Variants in HPCAL1 observed in about 807,000 individuals in gnomAD.
HPCAL1 encodes the protein hippocalcin-like protein 1.
A neutral mutation model predicts 17.1 loss-of-function variants in HPCAL1; 8 were observed. The ratio of observed to expected loss-of-function variants is 0.47; its 90% confidence interval spans 0.27 to 0.84. HPCAL1 has a LOEUF of 0.84. Ranked by LOEUF, HPCAL1 falls within the 40% of genes least tolerant of loss-of-function variation. The probability of loss-of-function intolerance (pLI) is 0.13; values close to 1 mark genes in which losing one functional copy is unlikely to be tolerated. For synonymous variants in HPCAL1, 112 were observed against 111.4 expected (o/e 1.01, Z -0.03); for missense variants, 165 against 271.1 (o/e 0.61, Z 2.75).
In HPCAL1 at chr2:10,377,904, T is replaced by C. The variant is rs1472834128; in HGVS notation, c.-110-18931T>C. Among the ~76,000 whole-genome samples, 1 of 151,542 alleles carries C rather than the reference T, an allele frequency of 6.6e-6. No individual in the cohort carries two copies. The highest frequency in any genetic ancestry group is 6.6e-5 in the Admixed American group (1 of 15,230). On this transcript the variant is annotated intron_variant, in intron 1 of 4. Coordinates refer to ENST00000307845, the MANE Select transcript of HPCAL1 (RefSeq NM_002149.4). This position sits in a 1 kb window ranked among gnomAD's most constrained non-coding sequence, Gnocchi z 5.9. ...GGACGGGGCAGGCACAGGGAGGGCA[T>C]TTCAGAGAGTGCAAGGAGGCGGCGA...
chr2:10,418,459 AAAAAAAAAAAAAC>A (rs1158047636), intron 2 of HPCAL1, among the ~76,000 whole-genome samples: 1 of 150,674 alleles, frequency 6.6e-6, no homozygotes, highest in African/African-American at 2.4e-5. Flanking sequence ...AAAAAAAAAA[AAAAAAAAAAAAAC>A]AACCCTGGGA....
intron 1 of HPCAL1, among the ~76,000 whole-genome samples, chr2:10,393,217 G>A (rs1668816653): frequency 6.6e-6 from 1 of 152,256 alleles, no homozygotes; most frequent in African/African-American, 2.4e-5. Context: ...TCTGTCTCGA[G>A]CAATGACTGT....
At chr2:10,372,660 C>T (rs1033021741) in intron 1 of HPCAL1, among the ~76,000 whole-genome samples, 3 of 152,348 alleles carry the variant, frequency 2.0e-5, no homozygotes, top group African/African-American at 7.2e-5. Context: ...GCTCTTCCTC[C>T]CTGCCTGCCC....
At chr2:10,390,443 C>A (rs1166665779) in intron 1 of HPCAL1, among the ~76,000 whole-genome samples, 1 of 152,174 alleles carries the variant, frequency 6.6e-6, no homozygotes, top group Non-Finnish European at 1.5e-5. Context: ...TGGAATTAGT[C>A]ATTTGAAAAC....
chr2:10,320,251 C>T (rs909649899), intron 1 of HPCAL1, among the ~76,000 whole-genome samples: 6 of 152,096 alleles, frequency 3.9e-5, no homozygotes, highest in Admixed American at 6.5e-5. Context: ...CGGACATGGA[C>T]GGATATGGTT....
At chr2:10,373,556 T>C (rs887973) in intron 1 of HPCAL1, among the ~76,000 whole-genome samples, 79,168 of 152,078 alleles carry the variant, frequency 0.52, 21,853 homozygotes, top group East Asian at 0.79. Context: ...TCAGACACAA[T>C]GTCCCCTGGG....
At chr2:10,321,166 G>T (rs1226082697) in intron 1 of HPCAL1, among the ~76,000 whole-genome samples, 1 of 152,188 alleles carries the variant, frequency 6.6e-6, no homozygotes, top group Non-Finnish European at 1.5e-5. Context: ...CGGGGGAGCA[G>T]GCACGTCACA....
chr2:10,390,523 C>T (rs1399231898), intron 1 of HPCAL1, among the ~76,000 whole-genome samples: 2 of 152,106 alleles, frequency 1.3e-5, no homozygotes, highest in Non-Finnish European at 2.9e-5. Flanking sequence ...ATAATTTTTT[C>T]TCCCTAAGGG....
chr2:10,353,695 G>C (rs926341552), intron 1 of HPCAL1, among the ~76,000 whole-genome samples: 1 of 152,196 alleles, frequency 6.6e-6, no homozygotes, highest in African/African-American at 2.4e-5. Context: ...AGCCTCCCCA[G>C]GTAGCTGGGA....
intron 2 of HPCAL1, among the ~76,000 whole-genome samples, chr2:10,416,887 G>C (rs1285756988): frequency 1.3e-5 from 2 of 152,130 alleles, no homozygotes; most frequent in Admixed American, 6.5e-5. Context: ...AGGGGGTGCA[G>C]GGGTCCCCTA....
Position 10,310,059 on chromosome 2 carries a change from T to C in HPCAL1, c.-111+6882T>C, listed in dbSNP as rs920213859. On this transcript the variant is annotated intron_variant, in intron 1 of 4. Coordinates refer to ENST00000307845, the MANE Select transcript of HPCAL1 (RefSeq NM_002149.4). This position sits in a 1 kb window ranked among gnomAD's most constrained non-coding sequence, Gnocchi z 4.5. ...CTTTGCTCTGTTGTTTATTGGCTGG[T>C]GATGGTCTCTGAATCTGTTTGCTCA... Among the ~76,000 whole-genome samples the C allele has an allele frequency of 6.6e-6, 1 of 152,142 alleles. No homozygotes were observed. Among genetic ancestry groups the C allele is most frequent in the Non-Finnish European group, 1.5e-5 (1 of 68,012 alleles).
rs541239567 is a variant in HPCAL1 at position 10,344,274 on chromosome 2, G to T, written c.-111+41097G>T. On this transcript the variant is annotated intron_variant, in intron 1 of 4. Coordinates refer to ENST00000307845, the MANE Select transcript of HPCAL1 (RefSeq NM_002149.4). This position sits in a 1 kb window ranked among gnomAD's most constrained non-coding sequence, Gnocchi z 4.9. Reference sequence around the variant, plus strand: ...ACTTCGACCAGCGTCTGTGTGGGGTGTGCAGCAGCCCTGAGCCAAGGATTA... The same window carrying T: ...ACTTCGACCAGCGTCTGTGTGGGGTTTGCAGCAGCCCTGAGCCAAGGATTA... Among the ~76,000 whole-genome samples the T allele has an allele frequency of 2.6e-5, 4 of 152,258 alleles. No individual in the cohort carries two copies. The highest frequency in any genetic ancestry group is 5.9e-5 in the Non-Finnish European group (4 of 68,020).
rs909911236 is a variant in HPCAL1, at chr2:10,331,670, G to C, written c.-111+28493G>C. The stretch of plus-strand genomic sequence containing the variant: ...CTGTCTGCCCCCCACTGCACGCCCG[G>C]CTGTCAGAGGCATCTGTCTCTTCCC... On this transcript the variant is annotated intron_variant, in intron 1 of 4. Transcript: ENST00000307845. This position sits in a 1 kb window ranked among gnomAD's most constrained non-coding sequence, Gnocchi z 5.0. Among the ~76,000 whole-genome samples the C allele has an allele frequency of 6.0e-4, 91 of 152,268 alleles. No individual in the cohort carries two copies. Among genetic ancestry groups the C allele is most frequent in the African/African-American group, 1.8e-3 (76 of 41,544 alleles).
At chr2:10,361,656 C>G (rs753439675) in intron 1 of HPCAL1, among the ~76,000 whole-genome samples, 1 of 152,096 alleles carries the variant, frequency 6.6e-6, no homozygotes, top group Admixed American at 6.5e-5. Context: ...ACATAAATAA[C>G]GTTTCCATAG....
At chr2:10,319,823 T>C (rs1456905821) in intron 1 of HPCAL1, among the ~76,000 whole-genome samples, 1 of 151,982 alleles carries the variant, frequency 6.6e-6, no homozygotes, top group African/African-American at 2.4e-5. Context: ...GCAGAAGGTC[T>C]GAAATCCTCA....
At position 10,354,742 on chromosome 2, in the gene HPCAL1, G is replaced by A. The variant is rs1394187011; in HGVS notation, c.-110-42093G>A. Among the ~76,000 whole-genome samples the A allele has an allele frequency of 6.6e-6, 1 of 152,246 alleles. No individual in the cohort carries two copies. Among genetic ancestry groups the A allele is most frequent in the African/African-American group, 2.4e-5 (1 of 41,470 alleles). On this transcript the variant is annotated intron_variant, in intron 1 of 4. Coordinates refer to ENST00000307845, the MANE Select transcript of HPCAL1 (RefSeq NM_002149.4). The surrounding 1 kb of genome is among the most constrained non-coding windows in gnomAD (Gnocchi z 5.1). ...TTCTGGGTTCTTGCATAGGCTTCAA[G>A]GAGGGAGGATATGGATGTGAGCTTA...
chr2:10,348,427 C>A (rs141027807), intron 1 of HPCAL1, among the ~76,000 whole-genome samples: 2 of 151,878 alleles, frequency 1.3e-5, no homozygotes, highest in South Asian at 2.1e-4. Context: ...CCAGCCTGCA[C>A]GACAGAGCAA....
chr2:10,311,560 A>G (rs1436676220), intron 1 of HPCAL1, among the ~76,000 whole-genome samples: 2 of 152,078 alleles, frequency 1.3e-5, no homozygotes, highest in Non-Finnish European at 2.9e-5. Context: ...CTCAGAGCTC[A>G]TTGTAAGGTG....
Position 10,374,066 on chromosome 2 carries a change from C to T in HPCAL1, c.-110-22769C>T, listed in dbSNP as rs1021781419. Among the ~76,000 whole-genome samples, 10 of 152,250 alleles carry T rather than the reference C, an allele frequency of 6.6e-5. No individual in the cohort carries two copies. In the East Asian group the frequency reaches 9.7e-4, roughly 15 times the overall value. ...GGAGCTCGGGTGGCCTGGCCCGGCC[C>T]GCCTGCTTCCCCACAGGCAGCGGCT... On this transcript the variant is annotated intron_variant, in intron 1 of 4. Coordinates refer to ENST00000307845, the MANE Select transcript of HPCAL1 (RefSeq NM_002149.4).
Sources: allele counts gnomAD v4.1 joint callset (sites outside exome capture counted in the v4.1 genomes callset), GRCh38; gene constraint gnomAD v4.1.1; non-coding constraint Gnocchi (gnomAD v3.1); transcripts MANE v1.5; gene names NCBI Gene and HGNC (gene_info 2026-07-23, HGNC 2026-07-21).